The following SPAG16 variants were observed in gnomAD, a reference collection of about 807,000 sequenced individuals.
SPAG16 encodes the protein sperm-associated antigen 16 protein.
SPAG16 carries 86 observed loss-of-function variants against 80.4 expected under a neutral mutation model. That is an observed-to-expected ratio of 1.07 (90% CI 0.90 to 1.28). The LOEUF (loss-of-function observed/expected upper bound fraction) is 1.28. Among genes scored for constraint, SPAG16 ranks in the 50% most tolerant of loss-of-function variants. SPAG16 has a pLI of 0.00. For synonymous variants in SPAG16, 294 were observed against 265.9 expected, an observed-to-expected ratio of 1.11 and a Z score of -1.03; for missense variants, 870 against 765.3, an observed-to-expected ratio of 1.14 and a Z score of -1.61.
chr2:214,093,112 G>A (rs1378703540), intron 13 of SPAG16, among the ~76,000 whole-genome samples: 3 of 151,872 alleles, frequency 2.0e-5, no homozygotes, highest in Non-Finnish European at 2.9e-5. Flanking sequence ...TCTTCCCTAG[G>A]TATTGTAGTT....
intron 12 of SPAG16, among the ~76,000 whole-genome samples, chr2:213,975,294 T>C (rs973077953): frequency 1.5e-4 from 23 of 151,192 alleles, no homozygotes; most frequent in African/African-American, 5.6e-4. Context: ...TATCCTAGGG[T>C]GAAATGTTAG....
At chr2:213,491,310 C>T (rs2074224324) in intron 10 of SPAG16, among the ~76,000 whole-genome samples, 1 of 152,172 alleles carries the variant, frequency 6.6e-6, no homozygotes, top group South Asian at 2.1e-4. Flanking sequence ...CTTACCTAAG[C>T]CATGCCAATA....
chr2:213,365,732 A>G (rs2125133807), intron 8 of SPAG16, among the ~76,000 whole-genome samples: 1 of 152,028 alleles, frequency 6.6e-6, no homozygotes, highest in East Asian at 2.0e-4. Flanking sequence ...TGCTGGGATT[A>G]CAGGCATGAG....
intron 10 of SPAG16, among the ~76,000 whole-genome samples, 182 bp downstream of exon 10, chr2:213,490,272 C>T (rs2074182084): frequency 6.6e-6 from 1 of 152,116 alleles, no homozygotes; most frequent in South Asian, 2.1e-4. Flanking sequence ...GGTTTAAGCA[C>T]TTGGTGGCAG....
At chr2:213,491,689 TA>T (rs1412288353) in intron 10 of SPAG16, among the ~76,000 whole-genome samples, 3 of 152,164 alleles carry the variant, frequency 2.0e-5, no homozygotes, top group African/African-American at 7.2e-5. Flanking sequence ...AAGTGGAGGT[TA>T]AGGGAAAAGC....
chr2:214,272,092 C>T (rs982293398), intron 15 of SPAG16, among the ~76,000 whole-genome samples: 6 of 151,966 alleles, frequency 3.9e-5, no homozygotes, highest in Non-Finnish European at 7.4e-5. Flanking sequence ...TATTGGTTTC[C>T]TTTCAAAGTG....
chr2:213,435,651 C>A (rs2070588858), intron 9 of SPAG16, among the ~76,000 whole-genome samples: 1 of 152,060 alleles, frequency 6.6e-6, no homozygotes, highest in Admixed American at 6.6e-5. Context: ...AGTTATTGAA[C>A]ATTTTTCATC....
intron 12 of SPAG16, among the ~76,000 whole-genome samples, chr2:214,001,414 G>A (rs953674499): frequency 2.6e-5 from 4 of 152,280 alleles, no homozygotes; most frequent in African/African-American, 4.8e-5. Context: ...TTAAAAAACA[G>A]CACTGTATGA....
chr2:213,883,475 T>C (rs1351937764), intron 11 of SPAG16, among the ~76,000 whole-genome samples: 1 of 152,132 alleles, frequency 6.6e-6, no homozygotes, highest in East Asian at 1.9e-4. Flanking sequence ...TGAAAAAGAA[T>C]GTGTATGTTG....
chr2:213,431,049 A>G (rs1402989289), intron 9 of SPAG16, among the ~76,000 whole-genome samples: 1 of 152,216 alleles, frequency 6.6e-6, no homozygotes, highest in Non-Finnish European at 1.5e-5. Context: ...CACCAGCTCT[A>G]CTAGAAATGC....
intron 9 of SPAG16, among the ~76,000 whole-genome samples, chr2:213,464,569 G>T (rs564864564): frequency 1.3e-5 from 2 of 152,168 alleles, no homozygotes; most frequent in Non-Finnish European, 2.9e-5. Flanking sequence ...GTTAATGAAG[G>T]TATATACCCA....
intron 10 of SPAG16, among the ~76,000 whole-genome samples, chr2:213,541,829 T>C (rs964365427): frequency 6.6e-6 from 1 of 152,198 alleles, no homozygotes; most frequent in Non-Finnish European, 1.5e-5. Flanking sequence ...AGAAATGTTT[T>C]TGACAGTTGA....
chr2:213,657,641 A>G (rs1001933681), intron 10 of SPAG16, among the ~76,000 whole-genome samples: 2 of 152,184 alleles, frequency 1.3e-5, no homozygotes, highest in Non-Finnish European at 2.9e-5. Flanking sequence ...TTCTTACACA[A>G]TTTCAGAGTT....
At chr2:213,590,019 C>T (rs995560181) in intron 10 of SPAG16, among the ~76,000 whole-genome samples, 7 of 151,902 alleles carry the variant, frequency 4.6e-5, no homozygotes, top group Admixed American at 6.6e-5. Context: ...TATTCCCTCC[C>T]ATTCTTCTTC....
At chr2:213,796,128 G>T (rs892071871) in intron 10 of SPAG16, among the ~76,000 whole-genome samples, 1 of 151,908 alleles carries the variant, frequency 6.6e-6, no homozygotes, top group Non-Finnish European at 1.5e-5. Flanking sequence ...CAGATCTTTC[G>T]TGGGATTCTC....
intron 10 of SPAG16, among the ~76,000 whole-genome samples, chr2:213,752,257 T>C (rs1327495660): frequency 6.6e-6 from 1 of 152,208 alleles, no homozygotes; most frequent in African/African-American, 2.4e-5. Flanking sequence ...AGCCACCCAA[T>C]GTAGTTATAT....
intron 10 of SPAG16, among the ~76,000 whole-genome samples, chr2:213,815,260 T>C (rs2072451567): frequency 6.6e-6 from 1 of 152,130 alleles, no homozygotes; most frequent in Non-Finnish European, 1.5e-5. Flanking sequence ...TTCATTAATA[T>C]GACATTCTAG....
chr2:213,555,323 G>A (rs1267259373), intron 10 of SPAG16, among the ~76,000 whole-genome samples: 1 of 152,146 alleles, frequency 6.6e-6, no homozygotes, highest in South Asian at 2.1e-4. Context: ...AGTAGGTGGA[G>A]GTAATTGGAT....
chr2:213,887,394 G>A (rs2076599292), intron 11 of SPAG16, among the ~76,000 whole-genome samples: 4 of 151,806 alleles, frequency 2.6e-5, no homozygotes, highest in Admixed American at 2.6e-4. Flanking sequence ...TACTGGTTAT[G>A]TATTTCGTAA....
Sources: allele counts gnomAD v4.1 joint callset (sites outside exome capture counted in the v4.1 genomes callset), GRCh38; gene constraint gnomAD v4.1.1; transcripts MANE v1.5; gene names NCBI Gene and HGNC (gene_info 2026-07-23, HGNC 2026-07-21).